PCDHGB3: variants seen among roughly 807,000 people sequenced by gnomAD.
PCDHGB3 encodes protocadherin gamma subfamily B, 3, also known as protocadherin gamma-B3.
A neutral mutation model predicts 59.2 loss-of-function variants in PCDHGB3; 40 were observed. That is an observed-to-expected ratio of 0.68 (90% confidence interval 0.52 to 0.88). The LOEUF is 0.88. Among genes scored for constraint, PCDHGB3 ranks in the 40% least tolerant of loss-of-function variants. The pLI is 0.00. For synonymous variants in PCDHGB3, 581 were observed against 503.6 expected, an observed-to-expected ratio of 1.15 and a Z score of -2.06; for missense variants, 1,309 against 1,187.9, an observed-to-expected ratio of 1.10 and a Z score of -1.50.
At position 141,404,352 on chromosome 5, in the gene PCDHGB3, G is replaced by A. The variant is rs1378093484; in HGVS notation, c.2415+31543G>A. 1.7e-5 allele frequency: 27 copies of A among 1,613,812 alleles called. No individual in the cohort carries two copies. The South Asian group carries it at 2.9e-4, about 17-fold the overall frequency. On this transcript the variant is annotated intron_variant, in intron 1 of 3. Coordinates refer to ENST00000576222, the MANE Select transcript of PCDHGB3 (RefSeq NM_018924.5). ...GTCTACCTCCCGGAAAACAACGCCAGAGGTACTTCCATCTTCTCCGTGATT... is the reference window on the plus strand; with the variant it reads ...GTCTACCTCCCGGAAAACAACGCCAAAGGTACTTCCATCTTCTCCGTGATT...
intron 1 of PCDHGB3, among the ~76,000 whole-genome samples, chr5:141,481,103 C>G (rs190529217): frequency 2.6e-4 from 39 of 152,252 alleles, no homozygotes; most frequent in Non-Finnish European, 3.4e-4. Context: ...TACTCTGGAA[C>G]CTACCAATCC....
Position 141,409,086 on chromosome 5 carries a change from A to G in PCDHGB3, c.2415+36277A>G, listed in dbSNP as rs1019017199. 6.8e-6 allele frequency: 11 copies of G among 1,613,904 alleles called. No homozygotes were observed. Among genetic ancestry groups the G allele is most frequent in the African/African-American group, 5.3e-5 (4 of 74,932 alleles). On this transcript the variant is annotated intron_variant, in intron 1 of 3. Transcript: ENST00000576222. ...AGCACAAAACATATGTTCTCATTGG[A>G]TGAGAAAACAGGTATGATTAAGAAT... is the stretch of plus-strand genomic sequence containing the variant.
rs548299275 is a variant in PCDHGB3, at chr5:141,384,200, G to A, written c.2415+11391G>A. On this transcript the variant is annotated intron_variant, in intron 1 of 3. Coordinates refer to ENST00000576222, the MANE Select transcript of PCDHGB3 (RefSeq NM_018924.5). ...GATGGTGGAACTCCTCCCTTGTCCAGGGAAACTCACATATTCATGCAGGTG... is the reference window on the plus strand; with the variant it reads ...GATGGTGGAACTCCTCCCTTGTCCAAGGAAACTCACATATTCATGCAGGTG... 131 of 1,613,832 alleles carry A rather than the reference G, an allele frequency of 8.1e-5. 2 individuals are homozygous for A. The South Asian group carries it at 1.4e-3, about 17-fold the overall frequency.
In PCDHGB3 at chr5:141,371,791, C is replaced by G. The variant is rs758674133; in HGVS notation, c.1397C>G (p.Pro466Arg). ...SYTVHVAENN[P>R]PGASIAHVRA... The stretch of plus-strand genomic sequence containing the variant: ...ACCGTGCATGTAGCTGAGAACAATC[C>G]GCCTGGAGCCTCCATTGCGCATGTC... Residue 466 changes from proline to arginine, a missense_variant, in exon 1 of 4, where the codon CCG becomes CGG. Pro to Arg is a moderately radical substitution (Grantham distance 103, BLOSUM62 -2). Transcript: ENST00000576222. 6.2e-7 allele frequency: 1 copy of G among 1,613,938 alleles called. No homozygotes were observed. Among genetic ancestry groups the G allele is most frequent in the East Asian group, 2.2e-5 (1 of 44,884 alleles).
At chr5:141,447,011 C>T (rs1213312322) in intron 1 of PCDHGB3, among the ~76,000 whole-genome samples, 1 of 143,918 alleles carries the variant, frequency 6.9e-6, no homozygotes. Flanking sequence ...TCCTAGTGTT[C>T]AGTTTTGTTT....
intron 1 of PCDHGB3, chr5:141,416,537 G>T (rs2096038948): frequency 6.6e-6 from 1 of 152,082 alleles, no homozygotes; most frequent in Admixed American, 6.6e-5. Context: ...AATGTATAAG[G>T]AGGCAAACAC....
At chr5:141,375,495 T>C (rs1771526173) in intron 1 of PCDHGB3, 13 of 1,613,800 alleles carry the variant, frequency 8.1e-6, no homozygotes, top group Non-Finnish European at 1.1e-5. Flanking sequence ...GGTGCCTCCA[T>C]CTTCTCTGTG....
At chr5:141,433,321 G>T in intron 1 of PCDHGB3, 1 of 788,106 alleles carries the variant, frequency 1.3e-6, no homozygotes. Flanking sequence ...TGCCTCCGGT[G>T]TAACAGGGAC....
At chr5:141,376,250 C>T (rs777637519) in intron 1 of PCDHGB3, 13 of 1,614,128 alleles carry the variant, frequency 8.1e-6, no homozygotes, top group African/African-American at 8.0e-5. Flanking sequence ...GCACAAGTCA[C>T]GCCTGCTGCA....
rs773942024 is a variant in PCDHGB3, at chr5:141,433,234, C to G, written c.2415+60425C>G. 3.3e-6 allele frequency: 5 copies of G among 1,512,860 alleles called. No homozygotes were observed. In the South Asian group the frequency reaches 5.0e-5, roughly 15 times the overall value. The allele number at this position is 1,512,860 out of a possible 1,614,324, so 93.7% of individuals were successfully genotyped here. A position where few individuals can be genotyped will look rare whatever the true frequency, so the allele number is the denominator to read the frequency against. On this transcript the variant is annotated intron_variant, in intron 1 of 3. Coordinates refer to ENST00000576222, the MANE Select transcript of PCDHGB3 (RefSeq NM_018924.5). ...TTTTTTTTTTTTAATTGCTCTGTCT[C>G]CCAAGCTGGAATGCAGCGGTACGAT...
At chr5:141,454,625 C>T (rs1193628253) in intron 1 of PCDHGB3, among the ~76,000 whole-genome samples, 2 of 151,512 alleles carry the variant, frequency 1.3e-5, no homozygotes, top group East Asian at 1.9e-4. Flanking sequence ...AGGCTGGTCT[C>T]GAACCCCCAA....
At chr5:141,379,462 A>G (rs1775613818) in intron 1 of PCDHGB3, 1 of 152,244 alleles carries the variant, frequency 6.6e-6, no homozygotes, top group African/African-American at 2.4e-5. Context: ...ATAAACTCTG[A>G]AAGTGTGAAT....
chr5:141,436,958 G>C (rs2097855854), intron 1 of PCDHGB3, among the ~76,000 whole-genome samples: 1 of 152,124 alleles, frequency 6.6e-6, no homozygotes, highest in Non-Finnish European at 1.5e-5. Context: ...ATCTAAACAA[G>C]GATCTTGTGA....
chr5:141,413,129 A>T (rs761379605), intron 1 of PCDHGB3: 41 of 1,536,352 alleles, frequency 2.7e-5, no homozygotes, highest in Non-Finnish European at 3.6e-5. Context: ...GTTGAAACAC[A>T]CAACGTGTCC....
intron 1 of PCDHGB3, chr5:141,400,391 C>T (rs1468153713): frequency 1.2e-6 from 2 of 1,614,076 alleles, no homozygotes; most frequent in Non-Finnish European, 1.7e-6. Flanking sequence ...GTTGCACATA[C>T]AGGAAAGACG....
intron 1 of PCDHGB3, chr5:141,410,443 T>A (rs1207487083): frequency 6.2e-7 from 1 of 1,613,926 alleles, no homozygotes; most frequent in Non-Finnish European, 8.5e-7. Context: ...GTGAGGGGAC[T>A]TTGCCTTATT....
At chr5:141,459,427 G>A (rs1489214494) in intron 1 of PCDHGB3, among the ~76,000 whole-genome samples, 2 of 152,228 alleles carry the variant, frequency 1.3e-5, no homozygotes, top group Non-Finnish European at 2.9e-5. Flanking sequence ...ATATCACAAT[G>A]TGTTCATTCA....
intron 1 of PCDHGB3, chr5:141,418,120 G>A: frequency 6.2e-7 from 1 of 1,614,084 alleles, no homozygotes; most frequent in Non-Finnish European, 8.5e-7. Context: ...TACTTGTGAA[G>A]GACCGAATAG....
At chr5:141,388,574 T>A (rs372294800) in intron 1 of PCDHGB3, 107 of 1,613,842 alleles carry the variant, frequency 6.6e-5, no homozygotes, top group Middle Eastern at 1.6e-4. Context: ...AGATACACGT[T>A]CTAGTGACTG....
Sources: allele counts gnomAD v4.1 joint callset (sites outside exome capture counted in the v4.1 genomes callset), GRCh38; gene constraint gnomAD v4.1.1; transcripts MANE v1.5; gene names NCBI Gene and HGNC (gene_info 2026-07-23, HGNC 2026-07-21).